The following UBE2G1 variants were observed in gnomAD, a reference collection of about 807,000 sequenced individuals.
UBE2G1 encodes ubiquitin conjugating enzyme E2 G1, also known as ubiquitin-conjugating enzyme E2 G1.
UBE2G1 carries 5 observed loss-of-function variants against 22.7 expected under a neutral mutation model. That is an observed-to-expected ratio of 0.22 (90% CI 0.12 to 0.46). The LOEUF (loss-of-function observed/expected upper bound fraction) is 0.46. Ranked by LOEUF, UBE2G1 falls within the 20% of genes least tolerant of loss-of-function variation. The pLI, the probability that UBE2G1 is intolerant of heterozygous loss-of-function variation, is 0.99. For missense variants in UBE2G1, 88 were observed against 203.9 expected (o/e 0.43, Z 3.46); for synonymous variants, 74 against 67.5 (o/e 1.10, Z -0.47).
At chr17:4,346,847 T>A (rs1472601701) in intron 1 of UBE2G1, among the ~76,000 whole-genome samples, 1 of 152,018 alleles carries the variant, frequency 6.6e-6, no homozygotes, top group African/African-American at 2.4e-5. Context: ...TTGTGTTATG[T>A]GCTAGTGATA....
intron 1 of UBE2G1, among the ~76,000 whole-genome samples, chr17:4,365,516 G>A (rs1434142871): frequency 2.0e-5 from 3 of 152,296 alleles, no homozygotes; most frequent in South Asian, 4.1e-4. Context: ...TGCGGGCGCA[G>A]CTCCGGGGTT....
intron 1 of UBE2G1, among the ~76,000 whole-genome samples, chr17:4,366,030 A>T (rs1597271752): frequency 6.7e-6 from 1 of 149,296 alleles, no homozygotes; most frequent in South Asian, 2.1e-4. Context: ...CTCCTCTCCG[A>T]CCCCCCGGGC....
intron 2 of UBE2G1, among the ~76,000 whole-genome samples, chr17:4,305,780 G>A (rs1969242774): frequency 6.6e-6 from 1 of 152,290 alleles, no homozygotes; most frequent in African/African-American, 2.4e-5. Flanking sequence ...GACCACAGGT[G>A]ATCCACACGC....
chr17:4,365,953 C>G (rs927660068), intron 1 of UBE2G1, among the ~76,000 whole-genome samples: 2 of 151,994 alleles, frequency 1.3e-5, no homozygotes, highest in Non-Finnish European at 2.9e-5. Context: ...CTGGCGGCCC[C>G]GGCCTGGGGA....
intron 5 of UBE2G1, among the ~76,000 whole-genome samples, chr17:4,282,007 C>T (rs141479248): frequency 1.3e-5 from 2 of 152,248 alleles, no homozygotes; most frequent in East Asian, 1.9e-4. Flanking sequence ...AGATGTTATA[C>T]AATAAAAGGG....
rs201603499 is a variant in UBE2G1 at position 4,307,072 on chromosome 17, T to C, written c.98A>G (p.Asn33Ser). ...EGFSAGLIDD[N>S]DLYRWEVLII... ...AAGGACTTCCCATCGGTAGAGATCA[T>C]TGTCATCTATTAAACCTGCAGAAAA... is the stretch of plus-strand genomic sequence containing the variant. Residue 33 changes from asparagine to serine, a missense_variant, in exon 2 of 6, where the codon AAT becomes AGT. Around this residue, in one of 2 missense-constraint regions of UBE2G1, gnomAD observed 50 missense variants for 71.0 expected, o/e 0.70. Coordinates refer to ENST00000396981, the MANE Select transcript of UBE2G1 (RefSeq NM_003342.5). 272 of 1,613,986 alleles carry C rather than the reference T, an allele frequency of 1.7e-4. 2 individuals carry two copies. Among genetic ancestry groups the C allele is most frequent in the Non-Finnish European group, 1.2e-4 (142 of 1,179,976 alleles).
At chr17:4,306,927 G>A (rs1368052897) in intron 2 of UBE2G1, 94 bp downstream of exon 2, 4 of 1,128,754 alleles carry the variant, frequency 3.5e-6, no homozygotes, top group Non-Finnish European at 5.2e-6. Flanking sequence ...TGGGATTACA[G>A]GTGTGAGCCA....
intron 1 of UBE2G1, among the ~76,000 whole-genome samples, chr17:4,353,426 C>CAT (rs757254438): frequency 3.3e-5 from 5 of 149,914 alleles, no homozygotes; most frequent in African/African-American, 5.0e-5. Flanking sequence ...AACGAAACCC[C>CAT]ATATATATAT....
At chr17:4,365,811 G>A (rs1225410391) in intron 1 of UBE2G1, among the ~76,000 whole-genome samples, 3 of 152,206 alleles carry the variant, frequency 2.0e-5, no homozygotes, top group Admixed American at 1.3e-4. Context: ...TATCCCGCCA[G>A]GGCCGGTCCC....
intron 5 of UBE2G1, among the ~76,000 whole-genome samples, chr17:4,276,987 C>T (rs985908592): frequency 7.2e-5 from 11 of 152,206 alleles, no homozygotes; most frequent in Admixed American, 6.5e-5. Context: ...TAAGCACCAG[C>T]GATTCCTACA....
intron 2 of UBE2G1, among the ~76,000 whole-genome samples, chr17:4,305,497 A>G (rs894314920): frequency 8.5e-5 from 13 of 152,222 alleles, no homozygotes; most frequent in Non-Finnish European, 1.2e-4. Context: ...TCACATCTCA[A>G]TTCAACAGCC....
At chr17:4,352,821 T>C (rs1239102779) in intron 1 of UBE2G1, among the ~76,000 whole-genome samples, 1 of 152,130 alleles carries the variant, frequency 6.6e-6, no homozygotes, top group Non-Finnish European at 1.5e-5. Flanking sequence ...ACCCCTGTAA[T>C]CCCAGCACTT....
intron 3 of UBE2G1, among the ~76,000 whole-genome samples, chr17:4,295,164 A>G (rs1969094638): frequency 1.3e-5 from 2 of 152,246 alleles, no homozygotes; most frequent in African/African-American, 4.8e-5. Context: ...AAGTGAAGGT[A>G]GAAGAAACTG....
At chr17:4,330,306 T>C (rs1476429880) in intron 1 of UBE2G1, among the ~76,000 whole-genome samples, 2 of 152,162 alleles carry the variant, frequency 1.3e-5, no homozygotes, top group Non-Finnish European at 2.9e-5. Context: ...TCCCAGGCAC[T>C]TTTCCATACG....
chr17:4,355,583 G>A (rs377356556), intron 1 of UBE2G1, among the ~76,000 whole-genome samples: 2 of 147,822 alleles, frequency 1.4e-5, no homozygotes, highest in African/African-American at 2.5e-5. Flanking sequence ...CCGAGGTTGC[G>A]GTGGGCTGAG....
intron 1 of UBE2G1, among the ~76,000 whole-genome samples, chr17:4,337,830 T>TCAAAGTTACTCAAGTAAG: frequency 6.6e-6 from 1 of 151,858 alleles, no homozygotes; most frequent in African/African-American, 2.4e-5. Context: ...ACAAGGGAAT[T>TCAAAGTTACTCAAGTAAG]CAAAGTTACT....
Position 4,349,835 on chromosome 17 carries a change from T to C in UBE2G1, c.46+16436A>G, listed in dbSNP as rs551617196. Among the ~76,000 whole-genome samples the C allele has an allele frequency of 5.3e-3, 683 of 129,132 alleles. 5 individuals are homozygous for C. Among genetic ancestry groups the C allele is most frequent in the African/African-American group, 0.024 (640 of 26,734 alleles). 84.7% of individuals were successfully genotyped at this position (129,132 alleles called of 152,430 possible). ...TCCAGTCTCGGCGACAGAGCGAGAT[T>C]CCGTCTCAAAAAAAAAAAAAATTAC... On this transcript the variant is annotated intron_variant, in intron 1 of 5. Transcript: ENST00000396981.
intron 1 of UBE2G1, among the ~76,000 whole-genome samples, chr17:4,366,036 C>G (rs903018335): frequency 6.6e-5 from 10 of 152,222 alleles, no homozygotes; most frequent in African/African-American, 2.4e-4. Flanking sequence ...TCCGACCCCC[C>G]GGGCGCCAGG....
intron 1 of UBE2G1, among the ~76,000 whole-genome samples, chr17:4,309,161 G>A (rs1969279900): frequency 6.6e-6 from 1 of 152,216 alleles, no homozygotes; most frequent in African/African-American, 2.4e-5. Context: ...TCAGAAGGCT[G>A]AGACAGGAGG....
Sources: allele counts gnomAD v4.1 joint callset (sites outside exome capture counted in the v4.1 genomes callset), GRCh38; gene constraint gnomAD v4.1.1; regional missense constraint gnomAD v4.1.1; transcripts MANE v1.5; gene names NCBI Gene and HGNC (gene_info 2026-07-23, HGNC 2026-07-21).